TBC1D4: variants seen among roughly 807,000 people sequenced by gnomAD.
The protein encoded by TBC1D4 is TBC (Tre-2, BUB2, CDC16) domain-containing protein.
TBC1D4 carries 121 observed loss-of-function variants against 142.5 expected under a neutral mutation model. The ratio of observed to expected loss-of-function variants is 0.85; its 90% CI spans 0.73 to 0.99. The LOEUF is 0.99. TBC1D4 is among the 50% of genes least tolerant of loss of function. The pLI, the probability that TBC1D4 is intolerant of heterozygous loss-of-function variation, is 0.00. For missense variants in TBC1D4, 1,475 were observed against 1,606.6 expected (o/e 0.92, Z 1.40); for synonymous variants, 630 against 628.2 (o/e 1.00, Z -0.04).
At chr13:75,422,364 A>C (rs183248460) in intron 1 of TBC1D4, among the ~76,000 whole-genome samples, 2 of 152,356 alleles carry the variant, frequency 1.3e-5, no homozygotes, top group East Asian at 3.9e-4. Flanking sequence ...GGAAATGAGA[A>C]ACTATAACAC....
At chr13:75,420,992 G>A (rs183659236) in intron 1 of TBC1D4, among the ~76,000 whole-genome samples, 1 of 152,164 alleles carries the variant, frequency 6.6e-6, no homozygotes, top group Non-Finnish European at 1.5e-5. Flanking sequence ...CCCAACACTG[G>A]AAAGTCAAAA....
chr13:75,458,493 A>T (rs1887832475), intron 1 of TBC1D4, among the ~76,000 whole-genome samples: 2 of 152,164 alleles, frequency 1.3e-5, no homozygotes, highest in African/African-American at 4.8e-5. Context: ...CAAAAACAGG[A>T]ATGCCTGTTC....
chr13:75,293,708 T>G (rs1875580647), intron 18 of TBC1D4, among the ~76,000 whole-genome samples: 1 of 152,240 alleles, frequency 6.6e-6, no homozygotes, highest in Admixed American at 6.5e-5. Flanking sequence ...TTTTATAAAT[T>G]GTAGTAACAC....
chr13:75,458,929 A>G (rs1887851567), intron 1 of TBC1D4, among the ~76,000 whole-genome samples: 1 of 152,026 alleles, frequency 6.6e-6, no homozygotes. Flanking sequence ...CACTAGGTAA[A>G]TGTAAACTGG....
intron 7 of TBC1D4, among the ~76,000 whole-genome samples, chr13:75,339,021 A>C (rs1880456893): frequency 6.6e-6 from 1 of 152,164 alleles, no homozygotes; most frequent in South Asian, 2.1e-4. Flanking sequence ...TCTCTGAGTC[A>C]AATAAATGCT....
chr13:75,360,029 C>T (rs1468165366), intron 2 of TBC1D4, among the ~76,000 whole-genome samples, 171 bp from the exon 3 acceptor site: 1 of 152,134 alleles, frequency 6.6e-6, no homozygotes, highest in Non-Finnish European at 1.5e-5. Context: ...CAAATATCAG[C>T]TGCCTCAAAA....
intron 1 of TBC1D4, among the ~76,000 whole-genome samples, chr13:75,448,554 G>A (rs1480056141): frequency 6.8e-5 from 10 of 147,516 alleles, no homozygotes; most frequent in African/African-American, 2.3e-4. Context: ...GGTAACAAGA[G>A]CGAAACTCCG....
intron 1 of TBC1D4, among the ~76,000 whole-genome samples, chr13:75,450,383 T>C (rs1887486180): frequency 6.6e-6 from 1 of 152,170 alleles, no homozygotes; most frequent in African/African-American, 2.4e-5. Flanking sequence ...CTTTATACTT[T>C]CAAAAAAAGC....
At chr13:75,473,338 A>G (rs1402163786) in intron 1 of TBC1D4, among the ~76,000 whole-genome samples, 1 of 152,218 alleles carries the variant, frequency 6.6e-6, no homozygotes, top group East Asian at 1.9e-4. Context: ...AAAAATATAT[A>G]TGAAGATACA....
intron 20 of TBC1D4, 40 bp downstream of exon 20, chr13:75,288,894 G>A (rs755272980): frequency 1.3e-6 from 2 of 1,589,080 alleles, no homozygotes; most frequent in Middle Eastern, 1.8e-4. Context: ...CATGCAGGAG[G>A]CATTGAAGTA....
At chr13:75,355,576 G>T (rs1196607712) in intron 4 of TBC1D4, among the ~76,000 whole-genome samples, 1 of 152,154 alleles carries the variant, frequency 6.6e-6, no homozygotes, top group Non-Finnish European at 1.5e-5. Flanking sequence ...ATGAAGGGGG[G>T]ACATAATGCC....
chr13:75,412,544 A>G (rs1006035183), intron 1 of TBC1D4, among the ~76,000 whole-genome samples: 1 of 152,152 alleles, frequency 6.6e-6, no homozygotes, highest in African/African-American at 2.4e-5. Flanking sequence ...GGCTCAAGCA[A>G]TCCTCCCACT....
intron 1 of TBC1D4, among the ~76,000 whole-genome samples, chr13:75,412,809 A>G (rs1055060323): frequency 2.0e-5 from 3 of 152,220 alleles, no homozygotes; most frequent in Non-Finnish European, 2.9e-5. Flanking sequence ...AACAACGCCA[A>G]TTTTCAATTT....
intron 1 of TBC1D4, among the ~76,000 whole-genome samples, chr13:75,454,426 T>A (rs1157326047): frequency 6.6e-6 from 1 of 152,138 alleles, no homozygotes; most frequent in Non-Finnish European, 1.5e-5. Flanking sequence ...ATAAAAAGAT[T>A]AATATAAATG....
rs1163265031 is a variant in TBC1D4, at chr13:75,326,257, T to TC, written c.1972dup (p.Asp658GlyfsTer18). The TC allele has an allele frequency of 6.2e-7, 1 of 1,614,122 alleles. No homozygotes were observed. Among genetic ancestry groups the TC allele is most frequent in the East Asian group, 2.2e-5 (1 of 44,860 alleles). On this transcript the variant is annotated frameshift_variant, in exon 10 of 21. Coordinates refer to ENST00000377636, the MANE Select transcript of TBC1D4 (RefSeq NM_014832.5). LOFTEE classifies it high-confidence loss of function. ...GGAACGCACACCCTGAGCCCTCCCA[T>TC]CCTGCAAATTCAGCTTTCTCTTTGT...
intron 8 of TBC1D4, among the ~76,000 whole-genome samples, chr13:75,330,654 T>C (rs1879668665): frequency 6.6e-6 from 1 of 152,240 alleles, no homozygotes; most frequent in South Asian, 2.1e-4. Flanking sequence ...GCTCCTGAGC[T>C]GTTACTACTA....
chr13:75,340,829 C>T (rs1485072103), intron 7 of TBC1D4, among the ~76,000 whole-genome samples: 1 of 152,104 alleles, frequency 6.6e-6, no homozygotes, highest in Non-Finnish European at 1.5e-5. Flanking sequence ...GCCTGTAGTC[C>T]CAGCTACCCG....
chr13:75,288,045 G>A (rs1034528129), intron 20 of TBC1D4, among the ~76,000 whole-genome samples: 17 of 152,086 alleles, frequency 1.1e-4, no homozygotes, highest in African/African-American at 3.6e-4. Context: ...TGCAAATACC[G>A]AATATGACTT....
chr13:75,355,493 C>G (rs1593781077), intron 4 of TBC1D4, among the ~76,000 whole-genome samples: 2 of 152,164 alleles, frequency 1.3e-5, no homozygotes, highest in African/African-American at 4.8e-5. Context: ...GGGAATATAT[C>G]TTTTAATCAG....
Sources: gnomAD v4.1 joint callset for allele counts (sites outside exome capture counted in the v4.1 genomes callset) on GRCh38, gnomAD v4.1.1 for gene constraint, MANE v1.5 for transcripts, NCBI Gene and HGNC (gene_info 2026-07-23, HGNC 2026-07-21) for gene names.